The following GPAT3 variants were observed in gnomAD, a reference collection of about 807,000 sequenced individuals.
GPAT3 encodes the protein 1-AGP acyltransferase 9.
A neutral mutation model predicts 58.8 loss-of-function variants in GPAT3; 53 were observed. The observed-to-expected ratio is 0.90, with a 90% CI of 0.72 to 1.13. GPAT3 has a LOEUF of 1.13. GPAT3 is among the 50% of genes most tolerant of loss of function. The pLI is 0.00. For synonymous variants in GPAT3, 197 were observed against 187.4 expected, an observed-to-expected ratio of 1.05 and a Z score of -0.42; for missense variants, 511 against 527.6, an observed-to-expected ratio of 0.97 and a Z score of 0.31.
intron 5 of GPAT3, 45 bp downstream of exon 5, chr4:83,588,344 A>T: frequency 6.4e-7 from 1 of 1,551,252 alleles, no homozygotes; most frequent in Non-Finnish European, 8.9e-7. Context: ...AGGTCAATTC[A>T]GCATGAGATT....
intron 1 of GPAT3, among the ~76,000 whole-genome samples, chr4:83,543,857 T>C (rs1724402017): frequency 6.6e-6 from 1 of 152,276 alleles, no homozygotes; most frequent in East Asian, 1.9e-4. Context: ...GCCAGGCTAG[T>C]CTTGAACTCC....
intron 6 of GPAT3, 62 bp from the exon 7 acceptor site, chr4:83,594,783 A>G: frequency 7.1e-7 from 1 of 1,417,450 alleles, no homozygotes. Flanking sequence ...GTTGGTACTT[A>G]AAAAACTTTC....
intron 2 of GPAT3, among the ~76,000 whole-genome samples, chr4:83,570,300 A>C (rs1725555111): frequency 6.6e-6 from 1 of 152,186 alleles, no homozygotes. Flanking sequence ...AGGATTGCGA[A>C]GACTACAAAA....
intron 2 of GPAT3, among the ~76,000 whole-genome samples, chr4:83,545,251 G>A (rs1021654889): frequency 3.3e-5 from 5 of 152,130 alleles, no homozygotes; most frequent in African/African-American, 4.8e-5. Context: ...GACCAGCCTG[G>A]GCAACATGGC....
chr4:83,548,953 T>C (rs899055167), intron 2 of GPAT3, among the ~76,000 whole-genome samples: 6 of 152,114 alleles, frequency 3.9e-5, no homozygotes, highest in East Asian at 1.9e-4. Context: ...TGTGAGGCAA[T>C]TGACTACTTG....
chr4:83,579,444 C>A (rs1406266529), intron 2 of GPAT3, among the ~76,000 whole-genome samples: 1 of 151,628 alleles, frequency 6.6e-6, no homozygotes, highest in South Asian at 2.1e-4. Flanking sequence ...AGGCACATGC[C>A]ACCATGTCCA....
At chr4:83,593,928 G>A (rs1179038716) in intron 6 of GPAT3, among the ~76,000 whole-genome samples, 2 of 152,126 alleles carry the variant, frequency 1.3e-5, no homozygotes, top group Admixed American at 6.5e-5. Context: ...TCAAAACTAA[G>A]CCGAAAAGGT....
At chr4:83,551,946 A>C (rs1487107042) in intron 2 of GPAT3, among the ~76,000 whole-genome samples, 1 of 152,106 alleles carries the variant, frequency 6.6e-6, no homozygotes, top group East Asian at 1.9e-4. Context: ...AACCCCAACC[A>C]AATAAAACAT....
intron 1 of GPAT3, among the ~76,000 whole-genome samples, chr4:83,542,982 G>A (rs1420273891): frequency 6.6e-6 from 1 of 151,850 alleles, no homozygotes; most frequent in Non-Finnish European, 1.5e-5. Flanking sequence ...TGGGTAACAA[G>A]AGCGAAAACT....
chr4:83,580,302 C>A (rs1448140522), intron 2 of GPAT3, among the ~76,000 whole-genome samples: 1 of 152,110 alleles, frequency 6.6e-6, no homozygotes, highest in African/African-American at 2.4e-5. Flanking sequence ...TTCATTTTTA[C>A]ATTTTTTCTA....
At chr4:83,587,186 T>A in intron 3 of GPAT3, 69 bp from the exon 4 acceptor site, 1 of 1,227,808 alleles carries the variant, frequency 8.1e-7, no homozygotes. Flanking sequence ...ATTTTATTAT[T>A]TAGGAACTTT....
Position 83,585,851 on chromosome 4 carries a change from T to G in GPAT3, c.480-1404T>G, listed in dbSNP as rs145261966. ...ATCCACTCGCCTGGGCCTCCCAAACTGCTGGGATTGTAGCCGTGAGACACT... is the reference window on the plus strand; with the variant it reads ...ATCCACTCGCCTGGGCCTCCCAAACGGCTGGGATTGTAGCCGTGAGACACT... On this transcript the variant is annotated intron_variant, in intron 3 of 11. Transcript: ENST00000264409. 2.6e-5 allele frequency among the ~76,000 whole-genome samples: 4 copies of G among 152,346 alleles called. No individual in the cohort carries two copies. In the East Asian group the frequency reaches 7.7e-4, roughly 29 times the overall value.
chr4:83,603,706 C>T (rs1727149295), intron 11 of GPAT3, among the ~76,000 whole-genome samples: 1 of 149,950 alleles, frequency 6.7e-6, no homozygotes, highest in African/African-American at 2.5e-5. Flanking sequence ...AGGAGAATCA[C>T]TTGAACTCGG....
intron 3 of GPAT3, among the ~76,000 whole-genome samples, chr4:83,582,393 G>A (rs2110098749): frequency 6.6e-6 from 1 of 152,332 alleles, no homozygotes; most frequent in African/African-American, 2.4e-5. Context: ...CTGCTTCTGA[G>A]CTTGAGTGCC....
chr4:83,544,432 T>C (rs1724426098), intron 1 of GPAT3, 104 bp from the exon 2 acceptor site: 1 of 1,154,984 alleles, frequency 8.7e-7, no homozygotes, highest in African/African-American at 1.5e-5. Context: ...GTTCAGACAC[T>C]GCCAGAGCTT....
chr4:83,543,992 T>C (rs1336494349), intron 1 of GPAT3, among the ~76,000 whole-genome samples: 27 of 152,192 alleles, frequency 1.8e-4, no homozygotes, highest in Non-Finnish European at 4.4e-5. Flanking sequence ...GCTGCCTCTT[T>C]CTGCAAGCTT....
chr4:83,539,509 A>T (rs1724217149), intron 1 of GPAT3, among the ~76,000 whole-genome samples: 1 of 152,236 alleles, frequency 6.6e-6, no homozygotes, highest in South Asian at 2.1e-4. Flanking sequence ...AAATTCTAGA[A>T]GTTGAAATGT....
chr4:83,588,333 T>G lies in GPAT3; in HGVS notation c.644+34T>G, dbSNP rs374389798. 7 of 1,586,414 alleles carry G rather than the reference T, an allele frequency of 4.4e-6. No homozygotes were observed. In the African/African-American group the frequency reaches 8.1e-5, roughly 18 times the overall value. Reference sequence around the variant, plus strand: ...CTGCTCCAATGTGCCTGTCTTTTTCTAGGTCAATTCAGCATGAGATTGACA... The same window carrying G: ...CTGCTCCAATGTGCCTGTCTTTTTCGAGGTCAATTCAGCATGAGATTGACA... On this transcript the variant is annotated intron_variant, in intron 5 of 11. Transcript: ENST00000264409.
intron 11 of GPAT3, among the ~76,000 whole-genome samples, chr4:83,602,855 T>C (rs1381214601): frequency 5.9e-5 from 9 of 152,366 alleles, no homozygotes; most frequent in Admixed American, 4.6e-4. Flanking sequence ...AAGAGGCTTA[T>C]GTGGACAATT....
Sources: allele counts gnomAD v4.1 joint callset (sites outside exome capture counted in the v4.1 genomes callset), GRCh38; gene constraint gnomAD v4.1.1; transcripts MANE v1.5; gene names NCBI Gene and HGNC (gene_info 2026-07-23, HGNC 2026-07-21).